The following RAB3GAP1 variants were observed in gnomAD, a reference collection of about 807,000 sequenced individuals.
RAB3GAP1 encodes the protein rab3 GTPase-activating protein catalytic subunit.
Under a neutral mutation model 130.7 loss-of-function variants are expected in RAB3GAP1, and 86 were observed. The ratio of observed to expected loss-of-function variants is 0.66; its 90% confidence interval spans 0.55 to 0.79. RAB3GAP1 has a LOEUF of 0.79. Ranked by LOEUF, RAB3GAP1 falls within the 30% of genes least tolerant of loss-of-function variation. The pLI is 0.00. For missense variants in RAB3GAP1, 1,029 were observed against 1,169.4 expected, an observed-to-expected ratio of 0.88 and a Z score of 1.75; for synonymous variants, 367 against 401.7, an observed-to-expected ratio of 0.91 and a Z score of 1.03.
chr2:135,103,441 G>T (rs1690509695), intron 5 of RAB3GAP1, among the ~76,000 whole-genome samples: 2 of 152,166 alleles, frequency 1.3e-5, no homozygotes, highest in African/African-American at 4.8e-5. Context: ...CTAAGGACCT[G>T]TAAAGTGTTT....
chr2:135,081,339 T>C (rs1299667559), intron 3 of RAB3GAP1, among the ~76,000 whole-genome samples: 2 of 83,938 alleles, frequency 2.4e-5, no homozygotes, highest in African/African-American at 7.2e-5. Flanking sequence ...TATATATATA[T>C]ATATATATAT....
At chr2:135,122,767 G>A (rs1323454963) in intron 8 of RAB3GAP1, among the ~76,000 whole-genome samples, 1 of 152,046 alleles carries the variant, frequency 6.6e-6, no homozygotes, top group Non-Finnish European at 1.5e-5. Flanking sequence ...TGTCACCCAG[G>A]CTGGAGTGCA....
intron 5 of RAB3GAP1, among the ~76,000 whole-genome samples, chr2:135,109,387 G>A (rs1469502165): frequency 6.6e-6 from 1 of 151,856 alleles, no homozygotes; most frequent in Non-Finnish European, 1.5e-5. Flanking sequence ...CTCTATTGAA[G>A]AATATTTAGA....
chr2:135,121,330 G>T (rs901287777), intron 8 of RAB3GAP1, among the ~76,000 whole-genome samples: 2 of 152,080 alleles, frequency 1.3e-5, no homozygotes, highest in Admixed American at 6.5e-5. Context: ...CAAGAAAGGG[G>T]GCTAAACAAG....
intron 13 of RAB3GAP1, among the ~76,000 whole-genome samples, chr2:135,131,923 A>G (rs1287354662): frequency 6.6e-6 from 1 of 152,250 alleles, no homozygotes; most frequent in Non-Finnish European, 1.5e-5. Context: ...AAAAGTGTTG[A>G]AAAGAAAACT....
chr2:135,090,561 A>G (rs1239764125), intron 3 of RAB3GAP1, among the ~76,000 whole-genome samples: 1 of 150,102 alleles, frequency 6.7e-6, no homozygotes, highest in Non-Finnish European at 1.5e-5. Context: ...GTTCAAATGG[A>G]AAGACTTGAA....
chr2:135,110,139 C>T (rs940525867), intron 5 of RAB3GAP1, among the ~76,000 whole-genome samples: 5 of 151,186 alleles, frequency 3.3e-5, no homozygotes, highest in Middle Eastern at 3.5e-3. Context: ...TGAGGTAAAT[C>T]CTTTTTTTTT....
At chr2:135,145,746 A>G (rs1180371301) in intron 17 of RAB3GAP1, among the ~76,000 whole-genome samples, 1 of 152,136 alleles carries the variant, frequency 6.6e-6, no homozygotes, top group Non-Finnish European at 1.5e-5. Context: ...CTTCTGGAAC[A>G]TTTTCTTATA....
At chr2:135,150,011 T>G (rs567841202) in intron 17 of RAB3GAP1, among the ~76,000 whole-genome samples, 1 of 152,262 alleles carries the variant, frequency 6.6e-6, no homozygotes, top group African/African-American at 2.4e-5. Flanking sequence ...TAATTAAAAT[T>G]TTGTTGCAGC....
chr2:135,117,264 A>G (rs368295817), intron 7 of RAB3GAP1, among the ~76,000 whole-genome samples: 37 of 152,252 alleles, frequency 2.4e-4, no homozygotes, highest in East Asian at 1.7e-3. Flanking sequence ...GCTTAATTCC[A>G]CATATAGTTT....
At chr2:135,087,460 T>C (rs143431648) in intron 3 of RAB3GAP1, among the ~76,000 whole-genome samples, 33 of 152,348 alleles carry the variant, frequency 2.2e-4, no homozygotes, top group Admixed American at 7.2e-4. Context: ...ATGTTGAATA[T>C]ATAGATTAAC....
At chr2:135,070,566 G>A (rs1359396735) in intron 3 of RAB3GAP1, among the ~76,000 whole-genome samples, 1 of 152,066 alleles carries the variant, frequency 6.6e-6, no homozygotes, top group Non-Finnish European at 1.5e-5. Context: ...GGAGTGCAGT[G>A]GCGCAATCTC....
At chr2:135,158,963 GAA>G (rs1210846680) in intron 19 of RAB3GAP1, among the ~76,000 whole-genome samples, 3 of 152,086 alleles carry the variant, frequency 2.0e-5, no homozygotes, top group African/African-American at 4.8e-5. Context: ...TTTGAAAAAA[GAA>G]AAATTTGCAG....
intron 5 of RAB3GAP1, among the ~76,000 whole-genome samples, chr2:135,105,403 C>T (rs937651910): frequency 3.3e-5 from 5 of 152,046 alleles, no homozygotes; most frequent in Non-Finnish European, 5.9e-5. Flanking sequence ...GACTGGTTTT[C>T]GTATTTTTTT....
chr2:135,117,621 G>GCTTCTTCTTCTT (rs1558784525), intron 7 of RAB3GAP1, among the ~76,000 whole-genome samples: 1 of 15,876 alleles, frequency 6.3e-5, no homozygotes, highest in African/African-American at 2.5e-4. Flanking sequence ...TTCTGCTTCT[G>GCTTCTTCTTCTT]CTTCTTCTGC....
chr2:135,101,793 C>CT lies in RAB3GAP1; in HGVS notation c.362+8107dup, dbSNP rs550939126. Reference sequence around the variant, plus strand: ...ATATACCTATCCTTTAAATACTTTTCTTTTTTTATTTTCTTTAAATATCTT... The same window carrying CT: ...ATATACCTATCCTTTAAATACTTTTCTTTTTTTTATTTTCTTTAAATATCTT... On this transcript the variant is annotated intron_variant, in intron 5 of 23. Coordinates refer to ENST00000264158, the MANE Select transcript of RAB3GAP1 (RefSeq NM_012233.3). Among the ~76,000 whole-genome samples, 114 of 149,810 alleles carry CT rather than the reference C, an allele frequency of 7.6e-4. No homozygotes were observed. The South Asian group carries it at 8.9e-3, about 12-fold the overall frequency.
intron 7 of RAB3GAP1, among the ~76,000 whole-genome samples, chr2:135,117,582 G>GCTTCTT (rs36174748): frequency 1.7e-5 from 1 of 60,560 alleles, no homozygotes; most frequent in African/African-American, 4.5e-5. Context: ...TTCTTCTTCT[G>GCTTCTT]CTTCTTCTTC....
At chr2:135,109,735 C>T (rs1488872962) in intron 5 of RAB3GAP1, among the ~76,000 whole-genome samples, 2 of 152,120 alleles carry the variant, frequency 1.3e-5, no homozygotes, top group Non-Finnish European at 2.9e-5. Flanking sequence ...GCGCCCACCA[C>T]CACGCCCAGC....
chr2:135,118,006 CCA>C (rs1365737522), intron 7 of RAB3GAP1, among the ~76,000 whole-genome samples: 1 of 152,054 alleles, frequency 6.6e-6, no homozygotes, highest in Non-Finnish European at 1.5e-5. Flanking sequence ...GTGTGTATCA[CCA>C]CACACAGCTA....
Sources: allele counts gnomAD v4.1 joint callset (sites outside exome capture counted in the v4.1 genomes callset), GRCh38; gene constraint gnomAD v4.1.1; transcripts MANE v1.5; gene names NCBI Gene and HGNC (gene_info 2026-07-23, HGNC 2026-07-21).